PFAS: variants seen among roughly 807,000 people sequenced by gnomAD.
PFAS encodes phosphoribosylformylglycinamidine synthase, also known as FGAM synthase.
In PFAS, 97 loss-of-function variants were observed where a neutral mutation model predicts 140.6. The observed-to-expected ratio is 0.69, with a 90% CI of 0.59 to 0.82. The LOEUF (loss-of-function observed/expected upper bound fraction) is 0.82. PFAS is among the 40% of genes least tolerant of loss of function. PFAS has a pLI of 0.00. For missense variants in PFAS, 1,656 were observed against 1,780.2 expected, an observed-to-expected ratio of 0.93 and a Z score of 1.26; for synonymous variants, 679 against 718.8, an observed-to-expected ratio of 0.94 and a Z score of 0.88.
Position 8,266,863 on chromosome 17 carries a change from C to A in PFAS, c.2932C>A (p.Leu978Met). The A allele has an allele frequency of 6.2e-7, 1 of 1,608,354 alleles. No individual in the cohort carries two copies. The change falls in exon 23 of 28, where the codon CTG becomes ATG. Residue 978 changes from leucine (L) to methionine (M), a missense_variant. By Grantham distance (15) the Leu-to-Met change is conservative. Coordinates refer to ENST00000314666, the MANE Select transcript of PFAS (RefSeq NM_012393.3). The surrounding 1 kb of genome is among the most constrained non-coding windows in gnomAD (Gnocchi z 5.0). ...GGATGCTGGCCTCCATTGCCTGGAG[C>A]TGGGCCACACAGGCGAGGCCGGGCC... ...YRDAGLHCLE[L>M]GHTGEAGPHA...
chr17:8,247,840 C>G (rs1988889765), upstream of PFAS: 1 of 669,118 alleles, frequency 1.5e-6, no homozygotes, highest in Admixed American at 2.6e-5. Context: ...AATAAACATT[C>G]GCAGAACCAG....
chr17:8,250,085 A>G (rs1044226702), intron 1 of PFAS, among the ~76,000 whole-genome samples: 5 of 152,224 alleles, frequency 3.3e-5, no homozygotes, highest in Non-Finnish European at 5.9e-5. Flanking sequence ...AGCCATGCAT[A>G]TGTCAGGGTG....
Position 8,269,348 on chromosome 17 carries a change from C to A in PFAS, c.*84C>A. 2 of 947,532 alleles carry A rather than the reference C, an allele frequency of 2.1e-6. No individual in the cohort carries two copies. The highest frequency in any genetic ancestry group is 3.3e-5 in the South Asian group (2 of 59,828). 58.7% of individuals were successfully genotyped at this position (947,532 alleles called of 1,614,324 possible). ...TCCCCCATGACCTTCAGGAGCACCC[C>A]ATATTATTTCCAAAAATATCTTGGA... is the stretch of plus-strand genomic sequence containing the variant. On this transcript the variant is annotated 3_prime_UTR_variant, in exon 28 of 28. Transcript: ENST00000314666.
chr17:8,253,955 C>T lies in PFAS; in HGVS notation c.18C>T (p.His6=), dbSNP rs1301479851. The T allele has an allele frequency of 1.2e-6, 2 of 1,613,812 alleles. No homozygotes were observed. The highest frequency in any genetic ancestry group is 8.5e-7 in the Non-Finnish European group (1 of 1,179,784). The change falls in exon 2 of 28, where the codon CAC becomes CAT. Residue 6 remains histidine, a synonymous_variant. Coordinates refer to ENST00000314666, the MANE Select transcript of PFAS (RefSeq NM_012393.3). ...CTGCAGAGATGTCCCCAGTCCTTCACTTCTATGTTCGTCCCTCTGGCCATG... is the reference window on the plus strand; with the variant it reads ...CTGCAGAGATGTCCCCAGTCCTTCATTTCTATGTTCGTCCCTCTGGCCATG... The part of the protein sequence containing the change: MSPVL[H]FYVRPSGHEG...
Position 8,265,905 on chromosome 17 carries a change from C to CG in PFAS, c.2594dup (p.Thr866HisfsTer21). Reference sequence around the variant, plus strand: ...CTCTGAGCCCTGGGCAGCACCGGCTCGGGGGCACAGCTCTGGCCCAGTGCT... The same window carrying CG: ...CTCTGAGCCCTGGGCAGCACCGGCTCGGGGGGCACAGCTCTGGCCCAGTGCT... On this transcript the variant is annotated frameshift_variant, in exon 21 of 28. Transcript: ENST00000314666. LOFTEE classifies it high-confidence loss of function. The CG allele has an allele frequency of 6.2e-7, 1 of 1,612,692 alleles. No individual in the cohort carries two copies. Among genetic ancestry groups the CG allele is most frequent in the Non-Finnish European group, 8.5e-7 (1 of 1,179,236 alleles).
At chr17:8,256,811 CCT>C in intron 8 of PFAS, 22 bp from the exon 9 acceptor site, 1 of 1,580,238 alleles carries the variant, frequency 6.3e-7, no homozygotes, top group Non-Finnish European at 8.6e-7. Flanking sequence ...GGCACCCAGA[CCT>C]CTCCCCACTC....
At chr17:8,264,688 G>A (rs1384869886) in intron 17 of PFAS, 87 bp downstream of exon 17, 2 of 1,415,840 alleles carry the variant, frequency 1.4e-6, no homozygotes, top group Admixed American at 2.2e-5. Context: ...TGCTGTGGGG[G>A]TTTTTGCCTG....
Position 8,266,941 on chromosome 17 carries a change from A to G in PFAS, c.2967+43A>G. 2 of 1,599,364 alleles carry G rather than the reference A, an allele frequency of 1.3e-6. No homozygotes were observed. Among genetic ancestry groups the G allele is most frequent in the Non-Finnish European group, 1.7e-6 (2 of 1,175,206 alleles). On this transcript the variant is annotated intron_variant, in intron 23 of 27. Transcript: ENST00000314666. The surrounding 1 kb of genome is among the most constrained non-coding windows in gnomAD (Gnocchi z 5.0). ...AGAGCGGTGTGCAGTGGGCAGTCAG[A>G]GTGGGGTGGCCGCGGTCCATCCCTC...
rs756464370 is a variant in PFAS at position 8,266,888 on chromosome 17, C to T, written c.2957C>T (p.Pro986Leu). The T allele has an allele frequency of 5.6e-6, 9 of 1,603,302 alleles. No homozygotes were observed. The highest frequency in any genetic ancestry group is 1.3e-5 in the African/African-American group (1 of 74,914). The change falls in exon 23 of 28, where the codon CCC becomes CTC. Residue 986 changes from proline to leucine, a missense_variant. By Grantham distance (98) the Pro-to-Leu change is moderately conservative. Transcript: ENST00000314666. This position sits in a 1 kb window ranked among gnomAD's most constrained non-coding sequence, Gnocchi z 5.0. Reference protein sequence around the residue: ...LELGHTGEAGPHAMVRVSVNG... With the variant: ...LELGHTGEAGLHAMVRVSVNG... Reference sequence around the variant, plus strand: ...CTGGGCCACACAGGCGAGGCCGGGCCCCACGCCATGGTGAGGAAGTGAGGG... The same window carrying T: ...CTGGGCCACACAGGCGAGGCCGGGCTCCACGCCATGGTGAGGAAGTGAGGG...
At chr17:8,253,317 T>G (rs1437199779) in intron 1 of PFAS, among the ~76,000 whole-genome samples, 1 of 152,174 alleles carries the variant, frequency 6.6e-6, no homozygotes, top group Admixed American at 6.6e-5. Flanking sequence ...GCAAAGTGCA[T>G]GTACTCCAGG....
Position 8,266,658 on chromosome 17 carries a change from G to T in PFAS, c.2822-95G>T. 6.6e-7 allele frequency: 1 copy of T among 1,521,874 alleles called. No individual in the cohort carries two copies. The highest frequency in any genetic ancestry group is 1.3e-5 in the South Asian group (1 of 76,494). The allele number at this position is 1,521,874 out of a possible 1,614,324, so 94.3% of individuals were successfully genotyped here. On this transcript the variant is annotated intron_variant, in intron 22 of 27. Transcript: ENST00000314666. This position sits in a 1 kb window ranked among gnomAD's most constrained non-coding sequence, Gnocchi z 5.0. ...CCCTACTCTCTGGCTGCATCCCTCT[G>T]ACCCTCACCCTGGCCCTTCCTGCAT...
rs1005361351 is a variant in PFAS at position 8,266,770 on chromosome 17, G to A, written c.2839G>A (p.Ala947Thr). 6 of 1,609,688 alleles carry A rather than the reference G, an allele frequency of 3.7e-6. No homozygotes were observed. Among genetic ancestry groups the A allele is most frequent in the Non-Finnish European group, 5.1e-6 (6 of 1,178,180 alleles). Residue 947 changes from alanine (A) to threonine (T), a missense_variant, in exon 23 of 28, where the codon GCT (alanine) becomes ACT (threonine). Physicochemically the swap from Ala to Thr is moderately conservative, Grantham distance 58. Around this residue, in one of 2 missense-constraint regions of PFAS, gnomAD observed 883 missense variants for 1,023.0 expected, o/e 0.86. Coordinates refer to ENST00000314666, the MANE Select transcript of PFAS (RefSeq NM_012393.3). The surrounding 1 kb of genome is among the most constrained non-coding windows in gnomAD (Gnocchi z 5.0). The stretch of plus-strand genomic sequence containing the variant: ...TCTCCCAGTCCTGTCTGTGCTGTTC[G>A]CTGAGGAGCCAGGCCTCGTGCTGGA... ...PRVDVLSVLFAEEPGLVLEVQ... is the reference protein window; with the variant it reads ...PRVDVLSVLFTEEPGLVLEVQ...
chr17:8,263,738 C>T, intron 14 of PFAS, 37 bp from the exon 15 acceptor site: 1 of 1,609,604 alleles, frequency 6.2e-7, no homozygotes, highest in Non-Finnish European at 8.5e-7. Context: ...GGAGTGCCCA[C>T]TGGCCCTTCT....
Position 8,260,869 on chromosome 17 carries a change from C to T in PFAS, c.1337-2051C>T, listed in dbSNP as rs558913088. Among the ~76,000 whole-genome samples, 4 of 152,370 alleles carry T rather than the reference C, an allele frequency of 2.6e-5. No individual in the cohort carries two copies. In the East Asian group the frequency reaches 7.7e-4, roughly 29 times the overall value. Reference sequence around the variant, plus strand: ...TCTATCTCCCGATCTCGTGATCCGCCTGCCTCAGCCTCCCAAAGTGCTGGG... The same window carrying T: ...TCTATCTCCCGATCTCGTGATCCGCTTGCCTCAGCCTCCCAAAGTGCTGGG... On this transcript the variant is annotated intron_variant, in intron 11 of 27. Transcript: ENST00000314666.
chr17:8,258,227 C>T, intron 11 of PFAS, 28 bp downstream of exon 11: 1 of 1,612,406 alleles, frequency 6.2e-7, no homozygotes, highest in Middle Eastern at 1.8e-4. Context: ...TTCTCTGGAT[C>T]CAGCCAGCTT....
Position 8,268,829 on chromosome 17 carries a change from C to T in PFAS, c.3679C>T (p.Leu1227=), listed in dbSNP as rs765059052. Residue 1227 remains leucine (L), a synonymous_variant, in exon 27 of 28, where the codon CTG becomes TTG. Coordinates refer to ENST00000314666, the MANE Select transcript of PFAS (RefSeq NM_012393.3). ...LMLRGMEGAV[L]PVWSAHGEGY... is the part of the protein sequence containing the mutation. ...GCTGCGAGGGATGGAGGGCGCCGTG[C>T]TGCCCGTGTGGAGTGCGCACGGGGA... 1 of 1,608,132 alleles carries T rather than the reference C, an allele frequency of 6.2e-7. No homozygotes were observed. Among genetic ancestry groups the T allele is most frequent in the East Asian group, 2.2e-5 (1 of 44,868 alleles).
Position 8,263,796 on chromosome 17 carries a change from G to C in PFAS, c.1651G>C (p.Ala551Pro). 6.2e-7 allele frequency: 1 copy of C among 1,614,014 alleles called. No individual in the cohort carries two copies. The highest frequency in any genetic ancestry group is 2.2e-5 in the East Asian group (1 of 44,864). ...GCAGCTTGGGGACCCAACCCTGAAT[G>C]CCCTGGAAATCTGGGGGGCTGAGTA... ...RFQLGDPTLNALEIWGAEYQE... is the reference protein window; with the variant it reads ...RFQLGDPTLNPLEIWGAEYQE... Residue 551 changes from alanine to proline, a missense_variant, in exon 15 of 28, where the codon GCC (alanine) becomes CCC (proline). Ala to Pro is a conservative substitution (Grantham distance 27). Coordinates refer to ENST00000314666, the MANE Select transcript of PFAS (RefSeq NM_012393.3).
chr17:8,255,985 T>C (rs1989347130), intron 6 of PFAS, 75 bp downstream of exon 6: 3 of 1,176,784 alleles, frequency 2.5e-6, no homozygotes, highest in Admixed American at 3.6e-5. Context: ...CACCTTCATG[T>C]TCCTCCCTTG....
In PFAS at chr17:8,265,627, C is replaced by T. The variant is rs1376282355; in HGVS notation, c.2533C>T (p.Pro845Ser). The stretch of plus-strand genomic sequence containing the variant: ...CACTGTGACCCCAGACCTCAAGCAT[C>T]CTGAAGGGAGAGGTATGGACATGGC... ...TATVTPDLKH[P>S]EGRGHLLYVA... The change falls in exon 20 of 28, where the codon CCT (proline) becomes TCT (serine). Residue 845 changes from proline to serine, a missense_variant. Coordinates refer to ENST00000314666, the MANE Select transcript of PFAS (RefSeq NM_012393.3). The T allele has an allele frequency of 2.5e-6, 4 of 1,613,288 alleles. No individual in the cohort carries two copies. Among genetic ancestry groups the T allele is most frequent in the Non-Finnish European group, 3.4e-6 (4 of 1,179,410 alleles).
Sources: allele counts gnomAD v4.1 joint callset (sites outside exome capture counted in the v4.1 genomes callset), GRCh38; gene constraint gnomAD v4.1.1; regional missense constraint gnomAD v4.1.1; non-coding constraint Gnocchi (gnomAD v3.1); transcripts MANE v1.5; gene names NCBI Gene and HGNC (gene_info 2026-07-23, HGNC 2026-07-21).